Variants in ITGBL1 observed in about 807,000 individuals in gnomAD.
ITGBL1 encodes integrin subunit beta like 1.
A neutral mutation model predicts 68.5 loss-of-function variants in ITGBL1; 51 were observed. The observed-to-expected ratio is 0.74, with a 90% CI of 0.59 to 0.94. The LOEUF is 0.94. ITGBL1 is among the 40% of genes least tolerant of loss of function. The pLI, the probability that ITGBL1 is intolerant of heterozygous loss-of-function variation, is 0.00. For missense variants in ITGBL1, 649 were observed against 647.4 expected (o/e 1.00, Z -0.03); for synonymous variants, 209 against 227.3 (o/e 0.92, Z 0.72).
chr13:101,469,074 CAG>C (rs1409928731), intron 2 of ITGBL1, among the ~76,000 whole-genome samples: 1 of 152,192 alleles, frequency 6.6e-6, no homozygotes, highest in Non-Finnish European at 1.5e-5. Flanking sequence ...TAAGTCACAT[CAG>C]AGATTCTCTT....
intron 8 of ITGBL1, among the ~76,000 whole-genome samples, chr13:101,693,918 A>C (rs1319595530): frequency 6.6e-6 from 1 of 152,180 alleles, no homozygotes; most frequent in South Asian, 2.1e-4. Flanking sequence ...TAGCGTCCCA[A>C]TAATGGAACA....
intron 4 of ITGBL1, among the ~76,000 whole-genome samples, chr13:101,577,604 A>G (rs2050384331): frequency 6.6e-6 from 1 of 152,200 alleles, no homozygotes; most frequent in Admixed American, 6.6e-5. Flanking sequence ...ATTTATTAAT[A>G]TAGTAATCCT....
intron 8 of ITGBL1, among the ~76,000 whole-genome samples, chr13:101,698,914 T>C (rs1410649709): frequency 2.0e-5 from 3 of 152,132 alleles, no homozygotes; most frequent in Non-Finnish European, 4.4e-5. Context: ...TAGCTACCCA[T>C]GAGTCCAATT....
intron 1 of ITGBL1, among the ~76,000 whole-genome samples, chr13:101,453,290 AC>A (rs1437487767): frequency 6.6e-6 from 1 of 152,226 alleles, no homozygotes; most frequent in Non-Finnish European, 1.5e-5. Flanking sequence ...GGTCTGTGTT[AC>A]ATTTTGTATC....
chr13:101,552,924 A>G (rs1267127878), intron 2 of ITGBL1, among the ~76,000 whole-genome samples: 1 of 152,206 alleles, frequency 6.6e-6, no homozygotes, highest in Non-Finnish European at 1.5e-5. Context: ...CTCTCTGTCT[A>G]TGAAACATCT....
chr13:101,607,795 T>C (rs757462353), intron 7 of ITGBL1, among the ~76,000 whole-genome samples: 1 of 152,084 alleles, frequency 6.6e-6, no homozygotes, highest in South Asian at 2.1e-4. Flanking sequence ...TTACAAACTT[T>C]TGCCATTTAT....
chr13:101,612,358 C>A (rs2031171906), intron 7 of ITGBL1, among the ~76,000 whole-genome samples: 1 of 151,930 alleles, frequency 6.6e-6, no homozygotes, highest in African/African-American at 2.4e-5. Context: ...TTTGCAGAGC[C>A]CTGTATTGTA....
chr13:101,590,432 G>A (rs973610593), intron 6 of ITGBL1, among the ~76,000 whole-genome samples: 3 of 151,952 alleles, frequency 2.0e-5, no homozygotes, highest in East Asian at 3.9e-4. Flanking sequence ...TGTGGGGCAC[G>A]TCACTGCTTG....
intron 7 of ITGBL1, among the ~76,000 whole-genome samples, chr13:101,608,244 G>T (rs2030965639): frequency 6.6e-6 from 1 of 152,002 alleles, no homozygotes; most frequent in African/African-American, 2.4e-5. Context: ...ATAGTAGCAT[G>T]CCAAATTCTC....
At chr13:101,527,486 T>C (rs913631652) in intron 2 of ITGBL1, among the ~76,000 whole-genome samples, 2 of 152,134 alleles carry the variant, frequency 1.3e-5, no homozygotes, top group Middle Eastern at 3.2e-3. Context: ...TCATTTGAGT[T>C]GTTTCCATTT....
At position 101,692,687 on chromosome 13, in the gene ITGBL1, G is replaced by C; in HGVS notation, c.1118G>C (p.Gly373Ala). The C allele has an allele frequency of 6.2e-7, 1 of 1,610,850 alleles. No individual in the cohort carries two copies. ...GATCGCCGCTGTGAAGACCTCGATGGTGTGGTCTGTGGAGGTAGTAACCTT... is the reference window on the plus strand; with the variant it reads ...GATCGCCGCTGTGAAGACCTCGATGCTGTGGTCTGTGGAGGTAGTAACCTT... ...CDDRRCEDLD[G>A]VVCGGHGTCS... The change falls in exon 8 of 11, where the codon GGT becomes GCT. Residue 373 changes from glycine to alanine, a missense_variant. Gly to Ala is a moderately conservative substitution (Grantham distance 60). Coordinates refer to ENST00000376180, the MANE Select transcript of ITGBL1 (RefSeq NM_004791.3).
chr13:101,611,183 A>G (rs1037969391), intron 7 of ITGBL1, among the ~76,000 whole-genome samples: 1 of 152,214 alleles, frequency 6.6e-6, no homozygotes, highest in African/African-American at 2.4e-5. Context: ...TCTCTATGTC[A>G]TAATTGTCTT....
chr13:101,492,226 A>T (rs939005043), intron 2 of ITGBL1, among the ~76,000 whole-genome samples: 1 of 152,160 alleles, frequency 6.6e-6, no homozygotes, highest in African/African-American at 2.4e-5. Flanking sequence ...TGATTCCTCA[A>T]GGATATAGTG....
intron 2 of ITGBL1, among the ~76,000 whole-genome samples, chr13:101,536,530 G>T (rs1028554956): frequency 6.6e-6 from 1 of 151,978 alleles, no homozygotes; most frequent in Non-Finnish European, 1.5e-5. Context: ...TGGATATTAA[G>T]ATTGAGTATA....
intron 6 of ITGBL1, among the ~76,000 whole-genome samples, chr13:101,594,861 GA>G (rs1289294355): frequency 6.6e-6 from 1 of 152,158 alleles, no homozygotes; most frequent in Non-Finnish European, 1.5e-5. Flanking sequence ...ATCAGTTGAG[GA>G]AAGGAGTTGT....
intron 7 of ITGBL1, among the ~76,000 whole-genome samples, chr13:101,604,869 T>TACACAC (rs1261308843): frequency 9.3e-5 from 2 of 21,400 alleles, no homozygotes; most frequent in Non-Finnish European, 1.1e-4. Flanking sequence ...TATATATATA[T>TACACAC]ATATATATAT....
intron 7 of ITGBL1, among the ~76,000 whole-genome samples, chr13:101,686,984 G>C (rs1276739199): frequency 1.3e-5 from 2 of 152,070 alleles, no homozygotes; most frequent in South Asian, 2.1e-4. Context: ...AATTTTAGCT[G>C]TCTATATATT....
At chr13:101,541,252 T>A (rs557828273) in intron 2 of ITGBL1, among the ~76,000 whole-genome samples, 1 of 151,616 alleles carries the variant, frequency 6.6e-6, no homozygotes, top group African/African-American at 2.4e-5. Flanking sequence ...TATTGAGAGT[T>A]TTTAGCATGA....
At chr13:101,592,527 T>C (rs1182664284) in intron 6 of ITGBL1, among the ~76,000 whole-genome samples, 1 of 152,108 alleles carries the variant, frequency 6.6e-6, no homozygotes, top group Non-Finnish European at 1.5e-5. Flanking sequence ...AATGGAAAGA[T>C]ATCTCATGAT....
Sources: allele counts gnomAD v4.1 joint callset (sites outside exome capture counted in the v4.1 genomes callset), GRCh38; gene constraint gnomAD v4.1.1; transcripts MANE v1.5; gene names NCBI Gene and HGNC (gene_info 2026-07-23, HGNC 2026-07-21).